The following LINGO2 variants were observed in gnomAD, a reference collection of about 807,000 sequenced individuals.
LINGO2 encodes the protein leucine rich repeat and Ig domain containing 2, also known as leucine-rich repeat and immunoglobulin-like domain-containing nogo receptor-interacting protein 2.
LINGO2 carries 14 observed loss-of-function variants against 30.6 expected under a neutral mutation model. That is an observed-to-expected ratio of 0.46 (90% CI 0.30 to 0.72). The LOEUF (loss-of-function observed/expected upper bound fraction) is 0.72, where lower values mean the gene tolerates loss of function less well. LINGO2 is among the 30% of genes least tolerant of loss of function. The pLI, the probability that LINGO2 is intolerant of heterozygous loss-of-function variation, is 0.07. For synonymous variants in LINGO2, 317 were observed against 288.5 expected (o/e 1.10, Z -1.00); for missense variants, 729 against 751.7 (o/e 0.97, Z 0.35).
chr9:28,591,013 A>G (rs1432772704), intron 1 of LINGO2, among the ~76,000 whole-genome samples: 1 of 152,150 alleles, frequency 6.6e-6, no homozygotes, highest in Non-Finnish European at 1.5e-5. Flanking sequence ...TTATAGGGAC[A>G]TGGATGAAGC....
intron 4 of LINGO2, among the ~76,000 whole-genome samples, chr9:28,244,291 C>A (rs946244310): frequency 6.6e-6 from 1 of 152,162 alleles, no homozygotes; most frequent in Admixed American, 6.5e-5. Flanking sequence ...AACAAACAGA[C>A]AATGTACCAG....
At chr9:28,847,904 T>G in the LINGO2 span, among the ~76,000 whole-genome samples, 2 of 114,808 alleles carry the variant, frequency 1.7e-5, no homozygotes, top group Non-Finnish European at 3.6e-5. Flanking sequence ...GTATAGTATA[T>G]ATATACACAC....
chr9:27,953,319 C>G (rs1016432826), intron 5 of LINGO2, among the ~76,000 whole-genome samples: 4 of 152,008 alleles, frequency 2.6e-5, no homozygotes, highest in Admixed American at 6.6e-5. Flanking sequence ...AAGCGAACTA[C>G]TATACATGTT....
At chr9:28,528,375 T>C (rs899830617) in intron 1 of LINGO2, among the ~76,000 whole-genome samples, 6 of 152,192 alleles carry the variant, frequency 3.9e-5, no homozygotes, top group African/African-American at 1.4e-4. Context: ...GTCTATGGTC[T>C]AGTTTCAGAA....
At chr9:29,152,052 CAT>C in the LINGO2 span, among the ~76,000 whole-genome samples, 1 of 152,104 alleles carries the variant, frequency 6.6e-6, no homozygotes, top group Non-Finnish European at 1.5e-5. Flanking sequence ...GGCCAACAAA[CAT>C]ATGAAAACAT....
chr9:27,977,127 C>G (rs1414125900), intron 5 of LINGO2, among the ~76,000 whole-genome samples: 3 of 151,068 alleles, frequency 2.0e-5, no homozygotes, highest in Non-Finnish European at 4.4e-5. Context: ...GAAATAGACT[C>G]TAGGCAACAT....
At chr9:27,972,882 T>TA (rs1202774325) in intron 5 of LINGO2, among the ~76,000 whole-genome samples, 10 of 152,216 alleles carry the variant, frequency 6.6e-5, no homozygotes, top group African/African-American at 2.4e-4. Context: ...CTTGAATCAG[T>TA]AGGCCAAGTA....
At chr9:29,170,726 A>G in the LINGO2 span, among the ~76,000 whole-genome samples, 2 of 152,280 alleles carry the variant, frequency 1.3e-5, no homozygotes, top group African/African-American at 4.8e-5. Flanking sequence ...CCTGAAAATT[A>G]ATGTAAGAAA....
At chr9:28,583,736 T>C (rs1281385006) in intron 1 of LINGO2, among the ~76,000 whole-genome samples, 1 of 152,114 alleles carries the variant, frequency 6.6e-6, no homozygotes, top group Non-Finnish European at 1.5e-5. Flanking sequence ...TTGGCTGTTC[T>C]GCCCATATTC....
chr9:28,529,927 TTCACCAACC>T (rs1348301326), intron 1 of LINGO2, among the ~76,000 whole-genome samples: 13 of 152,088 alleles, frequency 8.5e-5, no homozygotes, highest in African/African-American at 3.1e-4. Context: ...CTTGACTTTA[TTCACCAACC>T]TCTTTGGGAA....
the LINGO2 span, among the ~76,000 whole-genome samples, chr9:28,962,408 TA>T: frequency 6.6e-6 from 1 of 152,072 alleles, no homozygotes; most frequent in Admixed American, 6.6e-5. Flanking sequence ...ATTATTTTTA[TA>T]TCAAACTTAG....
At chr9:28,654,728 A>G (rs1465268389) in intron 1 of LINGO2, among the ~76,000 whole-genome samples, 1 of 152,118 alleles carries the variant, frequency 6.6e-6, no homozygotes, top group Non-Finnish European at 1.5e-5. Flanking sequence ...AAGTAAAATC[A>G]CTAGAGATAG....
rs73431321 is a variant in LINGO2 at position 28,288,925 on chromosome 9, T to G, written c.-87+6283A>C. 7.7e-3 allele frequency among the ~76,000 whole-genome samples: 1,179 copies of G among 152,334 alleles called. 21 individuals are homozygous for G. The highest frequency in any genetic ancestry group is 0.027 in the African/African-American group (1,136 of 41,582). ...TAATGGGGCATACTATTATCAGGAA[T>G]GTTTTCAGAGATCTCATCTTTTATA... is the stretch of plus-strand genomic sequence containing the variant. On this transcript the variant is annotated intron_variant, in intron 4 of 5. Transcript: ENST00000379992.
chr9:28,291,001 G>GA (rs1364040736), intron 4 of LINGO2, among the ~76,000 whole-genome samples: 1 of 152,122 alleles, frequency 6.6e-6, no homozygotes, highest in Non-Finnish European at 1.5e-5. Flanking sequence ...CTCTTGTGAG[G>GA]AAAAACCCTG....
intron 4 of LINGO2, among the ~76,000 whole-genome samples, chr9:28,196,024 A>G (rs1343087736): frequency 6.6e-6 from 1 of 151,642 alleles, no homozygotes; most frequent in Non-Finnish European, 1.5e-5. Flanking sequence ...CTATATTAAT[A>G]AATCAATATA....
the LINGO2 span, among the ~76,000 whole-genome samples, chr9:28,681,521 C>A: frequency 6.6e-6 from 1 of 151,804 alleles, no homozygotes; most frequent in Non-Finnish European, 1.5e-5. Context: ...GAAAATGAAA[C>A]AAACAAACAC....
At chr9:28,137,083 G>A (rs997406625) in intron 4 of LINGO2, among the ~76,000 whole-genome samples, 5 of 151,966 alleles carry the variant, frequency 3.3e-5, no homozygotes, top group African/African-American at 9.7e-5. Flanking sequence ...TGGCTGCCCT[G>A]GGTCTCCAGC....
At chr9:28,474,456 T>G (rs1825649318) in intron 2 of LINGO2, among the ~76,000 whole-genome samples, 1 of 152,090 alleles carries the variant, frequency 6.6e-6, no homozygotes, top group South Asian at 2.1e-4. Flanking sequence ...ACATATTGAA[T>G]TTTTAGAAGT....
At chr9:28,548,814 A>G (rs943573212) in intron 1 of LINGO2, among the ~76,000 whole-genome samples, 3 of 151,842 alleles carry the variant, frequency 2.0e-5, no homozygotes, top group Admixed American at 6.6e-5. Context: ...AAAAATGTAG[A>G]CACATGAAGT....
Sources: allele counts gnomAD v4.1 joint callset (sites outside exome capture counted in the v4.1 genomes callset), GRCh38; gene constraint gnomAD v4.1.1; transcripts MANE v1.5; gene names NCBI Gene and HGNC (gene_info 2026-07-23, HGNC 2026-07-21).